Variants in MDN1 observed in about 807,000 individuals in gnomAD.
The protein encoded by MDN1 is midasin.
Under a neutral mutation model 669.2 loss-of-function variants are expected in MDN1, and 266 were observed. The ratio of observed to expected loss-of-function variants is 0.40; its 90% CI spans 0.36 to 0.44. MDN1 has a LOEUF of 0.44. MDN1 is among the 20% of genes least tolerant of loss of function. The probability of loss-of-function intolerance (pLI) is 1.00; values close to 1 mark genes in which losing one functional copy is unlikely to be tolerated. For missense variants in MDN1, 5,940 were observed against 6,754.0 expected, an observed-to-expected ratio of 0.88 and a Z score of 4.22; for synonymous variants, 2,385 against 2,457.1, an observed-to-expected ratio of 0.97 and a Z score of 0.87.
Position 89,715,776 on chromosome 6 carries a change from A to T in MDN1, c.6744-7T>A. On this transcript the variant is annotated splice_polypyrimidine_tract_variant and splice_region_variant and intron_variant, in intron 44 of 101. Coordinates refer to ENST00000369393, the MANE Select transcript of MDN1 (RefSeq NM_014611.3). ...ACGATCCAACACTGATGGGCTGCAG[A>T]GACAGAATTCAGATGGTGGATAGGC... The T allele has an allele frequency of 2.5e-6, 4 of 1,580,322 alleles. No homozygotes were observed. Among genetic ancestry groups the T allele is most frequent in the Non-Finnish European group, 3.5e-6 (4 of 1,149,344 alleles).
intron 11 of MDN1, among the ~76,000 whole-genome samples, chr6:89,778,525 G>C (rs1213544788): frequency 6.6e-6 from 1 of 151,928 alleles, no homozygotes; most frequent in Non-Finnish European, 1.5e-5. Context: ...ACATATTCCT[G>C]GGGGATTGAT....
At chr6:89,802,140 T>C (rs1446455400) in intron 2 of MDN1, among the ~76,000 whole-genome samples, 1 of 152,084 alleles carries the variant, frequency 6.6e-6, no homozygotes, top group Non-Finnish European at 1.5e-5. Context: ...AACTGACATA[T>C]CAGAATAGAG....
chr6:89,745,629 G>GGGA lies in MDN1; in HGVS notation c.3905-6_3905-4dup, dbSNP rs751450802. 1.9e-6 allele frequency: 3 copies of GGGA among 1,612,612 alleles called. No homozygotes were observed. Among genetic ancestry groups the GGGA allele is most frequent in the South Asian group, 2.2e-5 (2 of 90,680 alleles). On this transcript the variant is annotated splice_region_variant and splice_polypyrimidine_tract_variant and intron_variant, in intron 27 of 101. Coordinates refer to ENST00000369393, the MANE Select transcript of MDN1 (RefSeq NM_014611.3). ...TCGACCTGCCAGAAGCATATAACCT[G>GGGA]GGAGGAGGAGGAGGAAAAGGAGGAG...
In MDN1 at chr6:89,782,379, T is replaced by C. The variant is rs369856021; in HGVS notation, c.1450-787A>G. On this transcript the variant is annotated intron_variant, in intron 9 of 101. Coordinates refer to ENST00000369393, the MANE Select transcript of MDN1 (RefSeq NM_014611.3). ...GGGAAGCTGATGTGGGCAGATTGCCTGAGTCCAAGAGTTTGAGACAAGCCT... is the reference window on the plus strand; with the variant it reads ...GGGAAGCTGATGTGGGCAGATTGCCCGAGTCCAAGAGTTTGAGACAAGCCT... Among the ~76,000 whole-genome samples the C allele has an allele frequency of 1.9e-4, 29 of 152,144 alleles. No homozygotes were observed. In the South Asian group the frequency reaches 5.8e-3, roughly 30 times the overall value.
At chr6:89,765,337 A>G (rs1461047037) in intron 15 of MDN1, among the ~76,000 whole-genome samples, 1 of 152,210 alleles carries the variant, frequency 6.6e-6, no homozygotes, top group Non-Finnish European at 1.5e-5. Flanking sequence ...AAAAGACTAT[A>G]AAAAGATTAG....
At chr6:89,682,507 G>C (rs149675616) in intron 73 of MDN1, among the ~76,000 whole-genome samples, 135 of 152,066 alleles carry the variant, frequency 8.9e-4, no homozygotes, top group African/African-American at 3.1e-3. Context: ...AGGAGATCGA[G>C]ACCATCCTGG....
At chr6:89,784,982 C>T (rs1457538546) in intron 9 of MDN1, 30 bp downstream of exon 9, 3 of 1,436,668 alleles carry the variant, frequency 2.1e-6, no homozygotes, top group Non-Finnish European at 2.0e-6. Flanking sequence ...TGCACCTGGC[C>T]AGCATTGATA....
chr6:89,698,740 A>C, intron 59 of MDN1, 125 bp downstream of exon 59: 3 of 853,756 alleles, frequency 3.5e-6, no homozygotes, highest in Non-Finnish European at 5.5e-6. Flanking sequence ...ATTCTGCAGA[A>C]AGTAAAGTGT....
Position 89,664,570 on chromosome 6 carries a change from G to A in MDN1, c.14153C>T (p.Ser4718Phe), listed in dbSNP as rs1162163250. The A allele has an allele frequency of 2.5e-6, 4 of 1,613,524 alleles. No individual in the cohort carries two copies. The highest frequency in any genetic ancestry group is 3.4e-6 in the Non-Finnish European group (4 of 1,179,628). ...GGCATTATCCTCGCCCTTAATATCA[G>A]ATTTTGAATCAGGATCCTCTTTGTC... Reference protein sequence around the residue: ...EKDKEDPDSKSDIKGEDNAIE... With the variant: ...EKDKEDPDSKFDIKGEDNAIE... Residue 4718 changes from serine (S) to phenylalanine (F), a missense_variant, in exon 85 of 102, where the codon TCT becomes TTT. Around this residue, in one of 5 missense-constraint regions of MDN1, gnomAD observed 2,280 missense variants for 2,576.3 expected, o/e 0.88. Coordinates refer to ENST00000369393, the MANE Select transcript of MDN1 (RefSeq NM_014611.3).
rs1164070703 is a variant in MDN1 at position 89,727,870 on chromosome 6, G to C, written c.5435C>G (p.Ala1812Gly). ...EFAWRDGPLL[A>G]ALKAGHWVVL... is the part of the protein sequence containing the mutation. Reference sequence around the variant, plus strand: ...CACCCAATGGCCTGCCTTCAAAGCTGCCAGTAAGGGGCCATCACGCCAGGC... The same window carrying C: ...CACCCAATGGCCTGCCTTCAAAGCTCCCAGTAAGGGGCCATCACGCCAGGC... Residue 1812 changes from alanine to glycine, a missense_variant, in exon 37 of 102, where the codon GCA (alanine) becomes GGA (glycine). Coordinates refer to ENST00000369393, the MANE Select transcript of MDN1 (RefSeq NM_014611.3). The C allele has an allele frequency of 2.5e-6, 4 of 1,613,948 alleles. No homozygotes were observed. The highest frequency in any genetic ancestry group is 1.1e-5 in the South Asian group (1 of 91,078).
intron 76 of MDN1, among the ~76,000 whole-genome samples, chr6:89,677,131 G>A (rs779161880): frequency 1.3e-5 from 2 of 151,324 alleles, no homozygotes; most frequent in Admixed American, 6.6e-5. Context: ...TTACTTTGCC[G>A]CCCAGGCTGG....
chr6:89,696,574 C>T lies in MDN1; in HGVS notation c.9169G>A (p.Gly3057Ser). 6.2e-7 allele frequency: 1 copy of T among 1,611,642 alleles called. No homozygotes were observed. The highest frequency in any genetic ancestry group is 8.5e-7 in the Non-Finnish European group (1 of 1,177,996). ...ATGGGTCTATTGAGATTGCCGGGGCCCTAAAGGACAAGAGAAGAGTCAATA... is the reference window on the plus strand; with the variant it reads ...ATGGGTCTATTGAGATTGCCGGGGCTCTAAAGGACAAGAGAAGAGTCAATA... Reference protein sequence around the residue: ...PKSVLDSTLKGPGNLNRPIFS... With the variant: ...PKSVLDSTLKSPGNLNRPIFS... The change falls in exon 60 of 102, where the codon GGC becomes AGC. Residue 3057 changes from glycine to serine, a missense_variant and splice_region_variant. Coordinates refer to ENST00000369393, the MANE Select transcript of MDN1 (RefSeq NM_014611.3).
chr6:89,648,156 G>A lies in MDN1; in HGVS notation c.16281-10C>T. ...TACAGATTCTCCAAAACTTGGGGGA[G>A]GAAAACCAAATACAACAGGAGTTAT... is the stretch of plus-strand genomic sequence containing the variant. On this transcript the variant is annotated splice_polypyrimidine_tract_variant and intron_variant, in intron 98 of 101. Coordinates refer to ENST00000369393, the MANE Select transcript of MDN1 (RefSeq NM_014611.3). 1 of 1,611,236 alleles carries A rather than the reference G, an allele frequency of 6.2e-7. No homozygotes were observed. The highest frequency in any genetic ancestry group is 1.1e-5 in the South Asian group (1 of 90,988).
chr6:89,651,457 T>C (rs1314803610), intron 95 of MDN1, among the ~76,000 whole-genome samples: 1 of 150,644 alleles, frequency 6.6e-6, no homozygotes, highest in Non-Finnish European at 1.5e-5. Context: ...TCTACTAAAA[T>C]ACAAAAAAAT....
intron 11 of MDN1, among the ~76,000 whole-genome samples, chr6:89,777,477 G>A (rs1345926585): frequency 6.6e-6 from 1 of 152,132 alleles, no homozygotes; most frequent in Admixed American, 6.5e-5. Flanking sequence ...GATGATAATA[G>A]TCCCTTCCTA....
intron 62 of MDN1, among the ~76,000 whole-genome samples, chr6:89,693,413 A>G (rs1439238073): frequency 1.3e-5 from 2 of 152,154 alleles, no homozygotes; most frequent in Non-Finnish European, 2.9e-5. Flanking sequence ...GTAGATAACT[A>G]CAATTACCCT....
At chr6:89,653,292 T>A in intron 93 of MDN1, 137 bp from the exon 94 acceptor site, 1 of 860,664 alleles carries the variant, frequency 1.2e-6, no homozygotes, top group Non-Finnish European at 1.7e-6. Context: ...CATGTTGATT[T>A]CAGAGGTTCT....
At chr6:89,682,717 A>AAAAAAAAC in intron 73 of MDN1, among the ~76,000 whole-genome samples, 1 of 126,416 alleles carries the variant, frequency 7.9e-6, no homozygotes, top group Non-Finnish European at 1.6e-5. Context: ...AAAAAAAAAA[A>AAAAAAAAC]AAAAAAAAAA....
At chr6:89,646,830 G>C (rs1255126017) in intron 99 of MDN1, among the ~76,000 whole-genome samples, 2 of 152,140 alleles carry the variant, frequency 1.3e-5, no homozygotes, top group African/African-American at 4.8e-5. Context: ...GGGTCTCACT[G>C]TGTCACCCAG....
Sources: gnomAD v4.1 joint callset for allele counts (sites outside exome capture counted in the v4.1 genomes callset) on GRCh38, gnomAD v4.1.1 for gene constraint, gnomAD v4.1.1 regional missense constraint, MANE v1.5 for transcripts, NCBI Gene and HGNC (gene_info 2026-07-23, HGNC 2026-07-21) for gene names.